Variants in ECE1 observed in about 807,000 individuals in gnomAD.
ECE1 encodes endothelin-converting enzyme 1.
Under a neutral mutation model 98.6 loss-of-function variants are expected in ECE1, and 35 were observed. The ratio of observed to expected loss-of-function variants is 0.35; its 90% CI spans 0.27 to 0.47. The LOEUF (loss-of-function observed/expected upper bound fraction) is 0.47. ECE1 is among the 20% of genes least tolerant of loss of function. ECE1 has a pLI of 1.00. For missense variants in ECE1, 814 were observed against 1,025.3 expected (o/e 0.79, Z 2.81); for synonymous variants, 394 against 407.1 (o/e 0.97, Z 0.39).
At chr1:21,283,989 C>G (rs2098257865) in intron 2 of ECE1, among the ~76,000 whole-genome samples, 1 of 152,192 alleles carries the variant, frequency 6.6e-6, no homozygotes, top group Non-Finnish European at 1.5e-5. Flanking sequence ...GGAGAAGTCA[C>G]CTAGAGGTAC....
intron 1 of ECE1, among the ~76,000 whole-genome samples, chr1:21,333,464 C>T (rs995454654): frequency 1.3e-5 from 2 of 152,206 alleles, no homozygotes; most frequent in Non-Finnish European, 2.9e-5. Context: ...CCTCCCTAAC[C>T]GCGTTCATCA....
Position 21,220,008 on chromosome 1 carries a change from G to T in ECE1, c.2260C>A (p.Arg754Ser). ...TTCATGGGTGAGCCAGGTGGGCAGC[G>T]GAAGTGTTCTGAGAACTCCTTGGAA... The part of the protein sequence containing the change: ...SNSKEFSEHF[R>S]CPPGSPMNPP... Residue 754 changes from arginine to serine, a missense_variant, in exon 19 of 19, where the codon CGC becomes AGC. By Grantham distance (110) the Arg-to-Ser change is moderately radical. Around this residue, in one of 3 missense-constraint regions of ECE1, gnomAD observed 452 missense variants for 567.3 expected, o/e 0.80. Coordinates refer to ENST00000374893, the MANE Select transcript of ECE1 (RefSeq NM_001397.3). This position sits in a 1 kb window ranked among gnomAD's most constrained non-coding sequence, Gnocchi z 5.0. 6.2e-7 allele frequency: 1 copy of T among 1,614,222 alleles called. No homozygotes were observed.
In ECE1 at chr1:21,227,241, A is replaced by C. The variant is rs746651324; in HGVS notation, c.1782-15T>G. ...AGTTTAAGGCCCTGGAGGGAAAGACACAAAGGTAGAGATGATGCTTTGAGA... is the reference window on the plus strand; with the variant it reads ...AGTTTAAGGCCCTGGAGGGAAAGACCCAAAGGTAGAGATGATGCTTTGAGA... On this transcript the variant is annotated splice_polypyrimidine_tract_variant and intron_variant, in intron 15 of 18. Coordinates refer to ENST00000374893, the MANE Select transcript of ECE1 (RefSeq NM_001397.3). 1 of 1,613,218 alleles carries C rather than the reference A, an allele frequency of 6.2e-7. No homozygotes were observed. The highest frequency in any genetic ancestry group is 8.5e-7 in the Non-Finnish European group (1 of 1,179,182).
At chr1:21,310,088 C>T (rs1369535491) in intron 1 of ECE1, among the ~76,000 whole-genome samples, 1 of 152,080 alleles carries the variant, frequency 6.6e-6, no homozygotes, top group African/African-American at 2.4e-5. Flanking sequence ...AGCCACTGTG[C>T]CAGGCCCCAG....
chr1:21,301,827 GAAAAAAAAAAAAAA>G (rs34861827), intron 1 of ECE1, among the ~76,000 whole-genome samples: 9 of 33,944 alleles, frequency 2.7e-4, no homozygotes, highest in Non-Finnish European at 4.6e-4. Flanking sequence ...CCCTGTCTCA[GAAAAAAAAAAAAAA>G]AAAAAAAAAA....
chr1:21,317,813 T>C (rs1569745122), intron 1 of ECE1, among the ~76,000 whole-genome samples: 1 of 152,330 alleles, frequency 6.6e-6, no homozygotes, highest in African/African-American at 2.4e-5. Context: ...AGTCAAGAGC[T>C]GTGCAGGCTC....
At chr1:21,223,699 C>T (rs1234347597) in intron 17 of ECE1, among the ~76,000 whole-genome samples, 2 of 151,654 alleles carry the variant, frequency 1.3e-5, no homozygotes, top group Admixed American at 6.6e-5. Flanking sequence ...CTCCTGACAT[C>T]GTGATCCACC....
At chr1:21,247,486 C>A in intron 8 of ECE1, 123 bp from the exon 9 acceptor site, 2 of 1,434,258 alleles carry the variant, frequency 1.4e-6, no homozygotes, top group East Asian at 4.6e-5. Context: ...TGACAGCGCA[C>A]CGGGCAGAGA....
At chr1:21,314,280 C>A (rs933171487) in intron 1 of ECE1, among the ~76,000 whole-genome samples, 1 of 152,142 alleles carries the variant, frequency 6.6e-6, no homozygotes, top group Non-Finnish European at 1.5e-5. Flanking sequence ...GGGAAGGGGG[C>A]GCTGGCTAGG....
intron 14 of ECE1, among the ~76,000 whole-genome samples, chr1:21,231,747 T>C (rs1298625427): frequency 6.6e-6 from 1 of 152,206 alleles, no homozygotes; most frequent in Non-Finnish European, 1.5e-5. Flanking sequence ...CTCAACCTCC[T>C]GGGCTCAAGC....
Position 21,260,181 on chromosome 1 carries a change from G to A in ECE1, c.615+90C>T, listed in dbSNP as rs1323713727. 1.3e-6 allele frequency: 2 copies of A among 1,581,688 alleles called. No individual in the cohort carries two copies. Among genetic ancestry groups the A allele is most frequent in the Non-Finnish European group, 1.7e-6 (2 of 1,151,558 alleles). ...GCTACCGGCTGGACGTATGAGGTGG[G>A]CCAGTGGTACCAGAAGGCTGGAGTG... On this transcript the variant is annotated intron_variant, in intron 5 of 18. Coordinates refer to ENST00000374893, the MANE Select transcript of ECE1 (RefSeq NM_001397.3). This position sits in a 1 kb window ranked among gnomAD's most constrained non-coding sequence, Gnocchi z 4.3.
intron 13 of ECE1, among the ~76,000 whole-genome samples, chr1:21,234,845 T>C (rs1280406562): frequency 1.3e-5 from 2 of 152,208 alleles, no homozygotes; most frequent in Non-Finnish European, 1.5e-5. Flanking sequence ...GGACAGGACA[T>C]GGATCCTGGG....
intron 1 of ECE1, among the ~76,000 whole-genome samples, chr1:21,321,960 GA>G (rs1443240222): frequency 1.3e-5 from 2 of 152,162 alleles, no homozygotes; most frequent in African/African-American, 2.4e-5. Flanking sequence ...AGAGAGGGAA[GA>G]ATGCTTCCTC....
At chr1:21,305,693 C>T (rs1367968173) in intron 1 of ECE1, among the ~76,000 whole-genome samples, 3 of 151,982 alleles carry the variant, frequency 2.0e-5, no homozygotes, top group Non-Finnish European at 2.9e-5. Context: ...CTGGAAAGGG[C>T]GGGTACGGGT....
intron 1 of ECE1, among the ~76,000 whole-genome samples, chr1:21,338,028 G>A (rs1341813069): frequency 6.6e-6 from 1 of 152,178 alleles, no homozygotes; most frequent in African/African-American, 2.4e-5. Flanking sequence ...AAGAGCTGCT[G>A]AGGAAATGAG....
rs1340366935 is a variant in ECE1 at position 21,327,621 on chromosome 1, T to C, written c.3+17755A>G. On this transcript the variant is annotated intron_variant, in intron 1 of 18. Transcript: ENST00000415912. The surrounding 1 kb of genome is among the most constrained non-coding windows in gnomAD (Gnocchi z 4.6). Reference sequence around the variant, plus strand: ...AGGGCACAAATGGAGTCTTTTGGTATAGAGGAAAATAAAGCCTCACCTGGT... The same window carrying C: ...AGGGCACAAATGGAGTCTTTTGGTACAGAGGAAAATAAAGCCTCACCTGGT... Among the ~76,000 whole-genome samples, 1 of 152,168 alleles carries C rather than the reference T, an allele frequency of 6.6e-6. No individual in the cohort carries two copies. Among genetic ancestry groups the C allele is most frequent in the African/African-American group, 2.4e-5 (1 of 41,440 alleles).
intron 7 of ECE1, 61 bp from the exon 8 acceptor site, chr1:21,256,199 T>G (rs900250091): frequency 6.5e-7 from 1 of 1,538,510 alleles, no homozygotes; most frequent in African/African-American, 1.4e-5. Flanking sequence ...TGGACGAGAG[T>G]TGGTGGGGGG....
At chr1:21,256,258 C>T (rs2098219838) in intron 7 of ECE1, 120 bp from the exon 8 acceptor site, 6 of 1,163,256 alleles carry the variant, frequency 5.2e-6, no homozygotes, top group East Asian at 2.6e-5. Context: ...GCACAGTGCC[C>T]CCAAGACACC....
At chr1:21,236,314 C>T (rs2098187942) in intron 12 of ECE1, among the ~76,000 whole-genome samples, 2 of 152,260 alleles carry the variant, frequency 1.3e-5, no homozygotes, top group African/African-American at 4.8e-5. Flanking sequence ...CTAGACCGCT[C>T]ACCCGCTGAA....
Sources: allele counts gnomAD v4.1 joint callset (sites outside exome capture counted in the v4.1 genomes callset), GRCh38; gene constraint gnomAD v4.1.1; regional missense constraint gnomAD v4.1.1; non-coding constraint Gnocchi (gnomAD v3.1); transcripts MANE v1.5; gene names NCBI Gene and HGNC (gene_info 2026-07-23, HGNC 2026-07-21).